The following SLC20A2 variants were observed in gnomAD, a reference collection of about 807,000 sequenced individuals.
SLC20A2 encodes the protein sodium-dependent phosphate transporter 2.
SLC20A2 carries 30 observed loss-of-function variants against 61.0 expected under a neutral mutation model. The ratio of observed to expected loss-of-function variants is 0.49; its 90% CI spans 0.37 to 0.67. The LOEUF (loss-of-function observed/expected upper bound fraction) is 0.67. SLC20A2 is among the 30% of genes least tolerant of loss of function. SLC20A2 has a pLI of 0.00. For missense variants in SLC20A2, 626 were observed against 866.4 expected (o/e 0.72, Z 3.48); for synonymous variants, 351 against 353.3 (o/e 0.99, Z 0.07).
In SLC20A2 at chr8:42,455,476, C is replaced by T. The variant is rs887408309; in HGVS notation, c.613+4420G>A. The stretch of plus-strand genomic sequence containing the variant: ...GAGATAGAGACCATCCTGGCTAACA[C>T]GGTGAAACCCCATCTCTACTAAAAA... On this transcript the variant is annotated intron_variant, in intron 5 of 10. Coordinates refer to ENST00000520262, the MANE Select transcript of SLC20A2 (RefSeq NM_001257180.2). Among the ~76,000 whole-genome samples, 27 of 151,426 alleles carry T rather than the reference C, an allele frequency of 1.8e-4. No individual in the cohort carries two copies. In the East Asian group the frequency reaches 2.1e-3, roughly 12 times the overall value.
At chr8:42,433,392 C>T (rs553065414) in intron 8 of SLC20A2, among the ~76,000 whole-genome samples, 4 of 152,178 alleles carry the variant, frequency 2.6e-5, no homozygotes, top group South Asian at 4.1e-4. Flanking sequence ...GACATGATCT[C>T]GGCTCACTGC....
At chr8:42,533,962 C>CATCT (rs1812542200) in intron 1 of SLC20A2, among the ~76,000 whole-genome samples, 1 of 150,858 alleles carries the variant, frequency 6.6e-6, no homozygotes, top group Non-Finnish European at 1.5e-5. Flanking sequence ...AAAACTTCTC[C>CATCT]CTCTCTTTGT....
At chr8:42,491,501 T>C (rs1474944941) in intron 1 of SLC20A2, among the ~76,000 whole-genome samples, 1 of 144,304 alleles carries the variant, frequency 6.9e-6, no homozygotes, top group East Asian at 2.0e-4. Flanking sequence ...TGAGACTTCG[T>C]CTCCAAAAAA....
chr8:42,447,193 A>T (rs1412190421), intron 5 of SLC20A2, among the ~76,000 whole-genome samples: 1 of 151,926 alleles, frequency 6.6e-6, no homozygotes, highest in Non-Finnish European at 1.5e-5. Flanking sequence ...TAAAAACAAA[A>T]AGATTAGCTG....
intron 8 of SLC20A2, among the ~76,000 whole-genome samples, chr8:42,431,703 G>A (rs1803881200): frequency 6.6e-6 from 1 of 152,196 alleles, no homozygotes; most frequent in African/African-American, 2.4e-5. Context: ...TCTTCTCAGA[G>A]GCTAATGCAG....
chr8:42,535,049 T>C (rs1439301999), intron 1 of SLC20A2: 2 of 152,226 alleles, frequency 1.3e-5, no homozygotes, highest in Non-Finnish European at 2.9e-5. Flanking sequence ...AGAACTTTCT[T>C]CTTCAGCTGC....
chr8:42,524,809 A>ATAAC (rs1811820688), intron 1 of SLC20A2, among the ~76,000 whole-genome samples: 1 of 151,646 alleles, frequency 6.6e-6, no homozygotes, highest in African/African-American at 2.4e-5. Flanking sequence ...AAATAAATAA[A>ATAAC]TAAAAATAAA....
At chr8:42,440,766 A>C (rs1804710123) in intron 6 of SLC20A2, among the ~76,000 whole-genome samples, 2 of 152,176 alleles carry the variant, frequency 1.3e-5, no homozygotes, top group Admixed American at 1.3e-4. Flanking sequence ...CTAAATACTG[A>C]CAAAATTTAG....
intron 7 of SLC20A2, among the ~76,000 whole-genome samples, chr8:42,438,077 A>AAAAAAAC (rs1804474435): frequency 7.0e-6 from 1 of 143,564 alleles, no homozygotes; most frequent in African/African-American, 2.6e-5. Context: ...AAAAAAAAAA[A>AAAAAAAC]AAAAAAAAAA....
chr8:42,474,435 G>C (rs1807896435), intron 1 of SLC20A2, among the ~76,000 whole-genome samples: 1 of 152,024 alleles, frequency 6.6e-6, no homozygotes, highest in South Asian at 2.1e-4. Context: ...AGATTTTTCA[G>C]CCTTTGCAAT....
intron 1 of SLC20A2, among the ~76,000 whole-genome samples, chr8:42,487,827 T>C (rs1809154290): frequency 6.6e-6 from 1 of 152,228 alleles, no homozygotes; most frequent in African/African-American, 2.4e-5. Flanking sequence ...GTGCAACCAC[T>C]GCCACCATCC....
At chr8:42,477,100 T>A (rs909820648) in intron 1 of SLC20A2, among the ~76,000 whole-genome samples, 1 of 152,150 alleles carries the variant, frequency 6.6e-6, no homozygotes, top group Admixed American at 6.5e-5. Flanking sequence ...GCAGTTCTGT[T>A]CCTCTCTAGT....
chr8:42,536,898 A>AC (rs1812739029), intron 1 of SLC20A2, among the ~76,000 whole-genome samples: 1 of 151,888 alleles, frequency 6.6e-6, no homozygotes, highest in African/African-American at 2.4e-5. Context: ...ACATGGTGAA[A>AC]CCCCGTCTTC....
chr8:42,513,900 G>A (rs1811171446), intron 1 of SLC20A2, among the ~76,000 whole-genome samples: 1 of 152,168 alleles, frequency 6.6e-6, no homozygotes, highest in Non-Finnish European at 1.5e-5. Context: ...TACAGGCAAA[G>A]GCTCAGGGGT....
intron 1 of SLC20A2, among the ~76,000 whole-genome samples, chr8:42,498,574 A>G (rs141692871): frequency 1.0e-3 from 158 of 152,182 alleles, no homozygotes; most frequent in African/African-American, 3.7e-3. Context: ...GGTGCTTAAT[A>G]CATGCTAAAT....
At chr8:42,467,656 G>T (rs954174426) in intron 2 of SLC20A2, among the ~76,000 whole-genome samples, 1 of 152,164 alleles carries the variant, frequency 6.6e-6, no homozygotes, top group Admixed American at 6.5e-5. Context: ...AGTGCTAGGC[G>T]TGCTGACCTT....
In SLC20A2 at chr8:42,514,159, T is replaced by C. The variant is rs1022140949; in HGVS notation, c.-265+27662A>G. Among the ~76,000 whole-genome samples, 3 of 152,192 alleles carry C rather than the reference T, an allele frequency of 2.0e-5. 1 individual carries two copies. The highest frequency in any genetic ancestry group is 4.4e-5 in the Non-Finnish European group (3 of 68,032). ...AAAATGCTGACGGCCTGTTATTTGT[T>C]AGCAATAATAATTGGGTCCAGGCAT... On this transcript the variant is annotated intron_variant, in intron 1 of 10. Coordinates refer to the SLC20A2 transcript ENST00000342228.
intron 8 of SLC20A2, among the ~76,000 whole-genome samples, chr8:42,435,104 C>T (rs181039851): frequency 1.3e-3 from 200 of 152,208 alleles, no homozygotes; most frequent in Non-Finnish European, 2.2e-3. Context: ...GGAAGTGGGA[C>T]GGTGTGGGGG....
chr8:42,467,154 A>G (rs1807236014), intron 2 of SLC20A2, among the ~76,000 whole-genome samples: 1 of 152,238 alleles, frequency 6.6e-6, no homozygotes, highest in Non-Finnish European at 1.5e-5. Context: ...TCCTATGAGA[A>G]ATAACTATGA....
Sources: allele counts gnomAD v4.1 joint callset (sites outside exome capture counted in the v4.1 genomes callset), GRCh38; gene constraint gnomAD v4.1.1; transcripts MANE v1.5; gene names NCBI Gene and HGNC (gene_info 2026-07-23, HGNC 2026-07-21).